Variants in CNTN4 observed in about 807,000 individuals in gnomAD.
CNTN4 encodes contactin-4.
A neutral mutation model predicts 122.5 loss-of-function variants in CNTN4; 77 were observed. That is an observed-to-expected ratio of 0.63 (90% CI 0.52 to 0.76). The LOEUF (loss-of-function observed/expected upper bound fraction) is 0.76. CNTN4 is among the 30% of genes least tolerant of loss of function. The pLI is 0.00. For missense variants in CNTN4, 1,256 were observed against 1,259.1 expected (o/e 1.00, Z 0.04); for synonymous variants, 512 against 447.0 (o/e 1.15, Z -1.83).
intron 6 of CNTN4, among the ~76,000 whole-genome samples, chr3:2,755,629 C>T (rs897439407): frequency 6.6e-6 from 1 of 152,148 alleles, no homozygotes; most frequent in Non-Finnish European, 1.5e-5. Flanking sequence ...TTAATTGTAG[C>T]TATTATTAAT....
intron 3 of CNTN4, among the ~76,000 whole-genome samples, chr3:2,531,484 C>T (rs1370531189): frequency 6.6e-6 from 1 of 152,158 alleles, no homozygotes; most frequent in East Asian, 1.9e-4. Flanking sequence ...TTTAGGGATC[C>T]AAGCTGTTAC....
chr3:2,226,912 G>A lies in CNTN4; in HGVS notation c.-144-112266G>A, dbSNP rs78542080. 3.0e-3 allele frequency among the ~76,000 whole-genome samples: 455 copies of A among 152,158 alleles called. 3 individuals carry two copies. The highest frequency in any genetic ancestry group is 0.01 in the African/African-American group (435 of 41,508). ...ACTTTAATTTTTGTAACTCTTTGCA[G>A]TAGCTGTGATCATTATTTCCATTTT... On this transcript the variant is annotated intron_variant, in intron 2 of 24. Transcript: ENST00000418658.
At chr3:2,104,523 C>T (rs1396693050) in intron 2 of CNTN4, among the ~76,000 whole-genome samples, 1 of 152,074 alleles carries the variant, frequency 6.6e-6, no homozygotes, top group African/African-American at 2.4e-5. Flanking sequence ...TGGCTTTGTT[C>T]ATCTTTAAGT....
intron 23 of CNTN4, among the ~76,000 whole-genome samples, chr3:3,046,702 AGGAAGAAACT>A (rs1700700150): frequency 6.6e-6 from 1 of 152,188 alleles, no homozygotes; most frequent in Non-Finnish European, 1.5e-5. Flanking sequence ...CATTGATGCT[AGGAAGAAACT>A]GCATCAACTA....
chr3:2,823,972 T>A (rs2092931269), intron 7 of CNTN4, among the ~76,000 whole-genome samples: 1 of 152,060 alleles, frequency 6.6e-6, no homozygotes, highest in African/African-American at 2.4e-5. Flanking sequence ...CTCCGAGTGA[T>A]CATATGCACT....
intron 5 of CNTN4, among the ~76,000 whole-genome samples, chr3:2,741,071 A>C (rs1013743282): frequency 1.3e-5 from 2 of 152,206 alleles, no homozygotes; most frequent in African/African-American, 4.8e-5. Flanking sequence ...GATTCTGAAA[A>C]ATACGTCATA....
intron 7 of CNTN4, among the ~76,000 whole-genome samples, chr3:2,850,391 C>T (rs1401981715): frequency 1.3e-5 from 2 of 152,210 alleles, no homozygotes. Flanking sequence ...ATAGACTCTT[C>T]ACTTTTTAAG....
chr3:2,230,534 T>TTAAGTTAGTTTCTAAAAG, intron 2 of CNTN4, among the ~76,000 whole-genome samples: 1 of 152,126 alleles, frequency 6.6e-6, no homozygotes, highest in Admixed American at 6.5e-5. Flanking sequence ...CCATGCCCAG[T>TTAAGTTAGTTTCTAAAAG]GAAGATAGGA....
intron 4 of CNTN4, among the ~76,000 whole-genome samples, chr3:2,631,518 T>C (rs575607058): frequency 1.3e-5 from 2 of 152,290 alleles, no homozygotes; most frequent in East Asian, 3.9e-4. Flanking sequence ...ATGAGATTGA[T>C]TCAGTCATGT....
At chr3:2,781,763 C>T (rs7637293) in intron 6 of CNTN4, among the ~76,000 whole-genome samples, 10,586 of 116,562 alleles carry the variant, frequency 0.091, 934 homozygotes, top group African/African-American at 0.2. Flanking sequence ...GTCGCTCTGT[C>T]GCCCAGGCTG....
At chr3:2,630,744 A>T (rs1487096139) in intron 4 of CNTN4, among the ~76,000 whole-genome samples, 1 of 150,670 alleles carries the variant, frequency 6.6e-6, no homozygotes, top group Admixed American at 6.6e-5. Context: ...TATATGTTTA[A>T]TAAAATCTTA....
chr3:3,006,090 A>G (rs567765075), intron 14 of CNTN4, among the ~76,000 whole-genome samples: 1 of 151,744 alleles, frequency 6.6e-6, no homozygotes, highest in Admixed American at 6.6e-5. Context: ...GGGTTTCAGG[A>G]TGGTCTTGAT....
intron 2 of CNTN4, among the ~76,000 whole-genome samples, chr3:2,302,953 T>C (rs2042576953): frequency 6.6e-6 from 1 of 152,194 alleles, no homozygotes; most frequent in Admixed American, 6.5e-5. Context: ...TGTATAATGG[T>C]GGAGCCACCC....
intron 2 of CNTN4, among the ~76,000 whole-genome samples, chr3:2,252,393 T>G (rs2040412540): frequency 6.6e-6 from 1 of 152,052 alleles, no homozygotes; most frequent in African/African-American, 2.4e-5. Flanking sequence ...GTTTTTGATA[T>G]TTCTAAACAT....
chr3:2,809,162 G>A (rs372454820), intron 6 of CNTN4, among the ~76,000 whole-genome samples: 8 of 152,326 alleles, frequency 5.3e-5, no homozygotes, highest in East Asian at 1.9e-4. Context: ...AGATGGCGGC[G>A]GTGGTGATTT....
At chr3:2,976,980 A>G (rs1282503795) in intron 13 of CNTN4, among the ~76,000 whole-genome samples, 3 of 152,204 alleles carry the variant, frequency 2.0e-5, no homozygotes, top group Non-Finnish European at 4.4e-5. Context: ...TAATTTCTCA[A>G]CTGGCACAAA....
chr3:2,880,727 G>A (rs2093898634), intron 8 of CNTN4, among the ~76,000 whole-genome samples: 1 of 152,206 alleles, frequency 6.6e-6, no homozygotes, highest in South Asian at 2.1e-4. Flanking sequence ...ATTTCGTGGT[G>A]AGAGGCCTTC....
At chr3:2,455,101 A>T (rs935522961) in intron 3 of CNTN4, among the ~76,000 whole-genome samples, 1 of 152,140 alleles carries the variant, frequency 6.6e-6, no homozygotes, top group East Asian at 1.9e-4. Context: ...TGGATTGCTC[A>T]AGAGAGGATA....
At chr3:2,846,988 G>A (rs774396109) in intron 7 of CNTN4, among the ~76,000 whole-genome samples, 18 of 151,430 alleles carry the variant, frequency 1.2e-4, no homozygotes, top group Non-Finnish European at 1.9e-4. Context: ...AGTGAAACTC[G>A]GTCTCAAATA....
Sources: allele counts gnomAD v4.1 joint callset (sites outside exome capture counted in the v4.1 genomes callset), GRCh38; gene constraint gnomAD v4.1.1; transcripts MANE v1.5; gene names NCBI Gene and HGNC (gene_info 2026-07-23, HGNC 2026-07-21).